CFDP1: variants seen among roughly 807,000 people sequenced by gnomAD.
CFDP1 encodes heterochromatin-stabilizing protein CFDP1.
CFDP1 carries 31 observed loss-of-function variants against 40.1 expected under a neutral mutation model. The ratio of observed to expected loss-of-function variants is 0.77; its 90% CI spans 0.58 to 1.04. The LOEUF (loss-of-function observed/expected upper bound fraction) is 1.04. Among genes scored for constraint, CFDP1 ranks in the 50% least tolerant of loss-of-function variants. The pLI, the probability that CFDP1 is intolerant of heterozygous loss-of-function variation, is 0.00. For missense variants in CFDP1, 423 were observed against 343.4 expected (o/e 1.23, Z -1.83); for synonymous variants, 167 against 120.0 (o/e 1.39, Z -2.56).
At position 75,387,725 on chromosome 16, in the gene CFDP1, G is replaced by A. The variant is rs545818207; in HGVS notation, c.650+7365C>T. Among the ~76,000 whole-genome samples the A allele has an allele frequency of 2.0e-4, 30 of 152,250 alleles. 1 individual carries two copies. In the South Asian group the frequency reaches 6.2e-3, roughly 32 times the overall value. The stretch of plus-strand genomic sequence containing the variant: ...CCTCAGTAGGAAATGATTACCCTCT[G>A]GAAACAGTAATAGCCATTATTCCCC... On this transcript the variant is annotated intron_variant, in intron 5 of 6. Transcript: ENST00000283882.
rs73619618 is a variant in CFDP1, at chr16:75,364,926, T to C, written c.650+30164A>G. On this transcript the variant is annotated intron_variant, in intron 5 of 6. Transcript: ENST00000283882. ...TAAATGTATGTCAAGTGCTAAACAC[T>C]GGCCATTAACTGCATCATTCTGGTG... Among the ~76,000 whole-genome samples the C allele has an allele frequency of 3.6e-3, 550 of 152,338 alleles. 1 individual carries two copies. The highest frequency in any genetic ancestry group is 0.013 in the African/African-American group (528 of 41,562).
chr16:75,355,345 A>G (rs2092419712), intron 5 of CFDP1, among the ~76,000 whole-genome samples: 1 of 152,232 alleles, frequency 6.6e-6, no homozygotes, highest in Non-Finnish European at 1.5e-5. Context: ...TACCCAGAGT[A>G]AAACTTATTT....
intron 5 of CFDP1, among the ~76,000 whole-genome samples, chr16:75,320,272 G>A (rs138692426): frequency 1.3e-5 from 2 of 152,192 alleles, no homozygotes; most frequent in East Asian, 1.9e-4. Context: ...CGGAGCATGC[G>A]CTTTTATGTG....
intron 5 of CFDP1, among the ~76,000 whole-genome samples, chr16:75,354,942 A>G (rs1199376649): frequency 6.6e-6 from 1 of 152,268 alleles, no homozygotes; most frequent in Admixed American, 6.5e-5. Flanking sequence ...TTTTGGGTTC[A>G]GTTCCAGACC....
chr16:75,370,408 T>A (rs900244121), intron 5 of CFDP1, among the ~76,000 whole-genome samples: 1 of 152,068 alleles, frequency 6.6e-6, no homozygotes, highest in African/African-American at 2.4e-5. Flanking sequence ...TTTTCTATTT[T>A]AAAAATAATG....
chr16:75,356,184 C>T (rs142115381), intron 5 of CFDP1, among the ~76,000 whole-genome samples: 18 of 152,188 alleles, frequency 1.2e-4, no homozygotes, highest in South Asian at 2.1e-4. Context: ...TCACTATCTA[C>T]GGCAGCTATA....
At chr16:75,411,264 G>C (rs72787160) in intron 4 of CFDP1, among the ~76,000 whole-genome samples, 78,691 of 151,766 alleles carry the variant, frequency 0.52, 21,449 homozygotes, top group Admixed American at 0.64. Context: ...AATTAGCTGG[G>C]TATGGTGGCG....
intron 5 of CFDP1, chr16:75,391,595 T>C (rs1317063883): frequency 6.6e-6 from 1 of 152,244 alleles, no homozygotes; most frequent in African/African-American, 2.4e-5. Context: ...CTCACCTTTT[T>C]ACATACCTAT....
chr16:75,400,418 TAAAGTACCCTAG>T (rs1363318061), intron 4 of CFDP1, among the ~76,000 whole-genome samples: 1 of 152,202 alleles, frequency 6.6e-6, no homozygotes, highest in Non-Finnish European at 1.5e-5. Flanking sequence ...CAATGTGTAC[TAAAGTACCCTAG>T]AAAGGCTCAT....
chr16:75,358,267 T>C (rs2078659232), intron 5 of CFDP1, among the ~76,000 whole-genome samples: 1 of 152,134 alleles, frequency 6.6e-6, no homozygotes, highest in Non-Finnish European at 1.5e-5. Flanking sequence ...ACCTTCAATG[T>C]GTAAGAAACA....
intron 5 of CFDP1, among the ~76,000 whole-genome samples, chr16:75,350,078 C>T (rs896511947): frequency 3.9e-5 from 6 of 152,034 alleles, no homozygotes; most frequent in Admixed American, 2.6e-4. Context: ...GCTAAGTGTA[C>T]TCTGTTCTTT....
chr16:75,404,025 G>C (rs13336197), intron 4 of CFDP1, among the ~76,000 whole-genome samples: 2 of 151,468 alleles, frequency 1.3e-5, no homozygotes, highest in Non-Finnish European at 2.9e-5. Context: ...CCAGCTACTC[G>C]GGAGGCTAAG....
chr16:75,410,634 C>G (rs1420959589), intron 4 of CFDP1, among the ~76,000 whole-genome samples: 4 of 151,210 alleles, frequency 2.6e-5, no homozygotes, highest in Non-Finnish European at 5.9e-5. Flanking sequence ...AAAGTCCAGG[C>G]ACGGTGGATC....
intron 6 of CFDP1, among the ~76,000 whole-genome samples, chr16:75,299,086 G>A (rs531377156): frequency 6.6e-6 from 1 of 152,206 alleles, no homozygotes; most frequent in Non-Finnish European, 1.5e-5. Flanking sequence ...CAAGAAATCT[G>A]TGTAATGGGT....
intron 5 of CFDP1, among the ~76,000 whole-genome samples, chr16:75,323,004 G>C (rs563575149): frequency 1.3e-5 from 2 of 152,000 alleles, no homozygotes; most frequent in South Asian, 4.2e-4. Flanking sequence ...GTACACTTAG[G>C]CTACAATACA....
chr16:75,325,383 C>A (rs1181368407), intron 5 of CFDP1, among the ~76,000 whole-genome samples: 1 of 152,216 alleles, frequency 6.6e-6, no homozygotes, highest in East Asian at 1.9e-4. Flanking sequence ...TGACTAACTT[C>A]CTGACCTCTT....
chr16:75,426,762 T>A (rs539565974), intron 1 of CFDP1, among the ~76,000 whole-genome samples: 1 of 152,052 alleles, frequency 6.6e-6, no homozygotes, highest in South Asian at 2.1e-4. Context: ...AAAACAAGTA[T>A]GTGACAAAGG....
At chr16:75,310,792 G>T (rs1216084716) in intron 5 of CFDP1, among the ~76,000 whole-genome samples, 2 of 152,184 alleles carry the variant, frequency 1.3e-5, no homozygotes, top group African/African-American at 4.8e-5. Context: ...GGCTGACAGG[G>T]CTTACCAACT....
At position 75,337,632 on chromosome 16, in the gene CFDP1, C is replaced by T. The variant is rs1051691353; in HGVS notation, c.651-32450G>A. Among the ~76,000 whole-genome samples the T allele has an allele frequency of 7.2e-5, 11 of 152,028 alleles. No individual in the cohort carries two copies. In the East Asian group the frequency reaches 9.6e-4, roughly 13 times the overall value. ...GGCCTCAAGAAACTTTCAATCATGG[C>T]GGGAAGGGGAGGCAAGCACGTCTTA... is the stretch of plus-strand genomic sequence containing the variant. On this transcript the variant is annotated intron_variant, in intron 5 of 6. Transcript: ENST00000283882.
Sources: allele counts gnomAD v4.1 joint callset (sites outside exome capture counted in the v4.1 genomes callset), GRCh38; gene constraint gnomAD v4.1.1; transcripts MANE v1.5; gene names NCBI Gene and HGNC (gene_info 2026-07-23, HGNC 2026-07-21).